The following RWDD3 variants were observed in gnomAD, a reference collection of about 807,000 sequenced individuals.
RWDD3 encodes RWD domain-containing protein 3.
RWDD3 carries 30 observed loss-of-function variants against 26.5 expected under a neutral mutation model. The ratio of observed to expected loss-of-function variants is 1.13; its 90% CI spans 0.85 to 1.54. The LOEUF is 1.54. Ranked by LOEUF, RWDD3 falls within the 40% of genes most tolerant of loss-of-function variation. RWDD3 has a pLI of 0.00. For missense variants in RWDD3, 296 were observed against 309.1 expected, an observed-to-expected ratio of 0.96 and a Z score of 0.32; for synonymous variants, 113 against 114.5, an observed-to-expected ratio of 0.99 and a Z score of 0.09.
chr1:95,241,654 T>C (rs658018), intron 1 of RWDD3, among the ~76,000 whole-genome samples: 7,490 of 152,232 alleles, frequency 0.049, 329 homozygotes, highest in East Asian at 0.22. Context: ...ATTGTGGGCA[T>C]CCGACCCGCA....
intron 1 of RWDD3, among the ~76,000 whole-genome samples, chr1:95,242,477 A>G (rs1680672158): frequency 6.6e-6 from 1 of 151,944 alleles, no homozygotes; most frequent in Admixed American, 6.6e-5. Context: ...GAGAATGTCA[A>G]CTCCCTAGAT....
chr1:95,240,692 T>G (rs1680578586), intron 1 of RWDD3, among the ~76,000 whole-genome samples: 1 of 150,760 alleles, frequency 6.6e-6, no homozygotes, highest in Non-Finnish European at 1.5e-5. Context: ...TCTGGGAGAG[T>G]GGTATTGGGA....
intron 1 of RWDD3, among the ~76,000 whole-genome samples, chr1:95,240,462 A>C (rs540325320): frequency 6.5e-4 from 99 of 152,334 alleles, no homozygotes; most frequent in African/African-American, 2.4e-3. Flanking sequence ...GGAAGTCATT[A>C]GGTGGGACTT....
intron 1 of RWDD3, among the ~76,000 whole-genome samples, chr1:95,238,654 A>G (rs1571841761): frequency 2.0e-5 from 3 of 151,586 alleles, no homozygotes; most frequent in Admixed American, 2.0e-4. Flanking sequence ...GGTCAGATGT[A>G]TATGGTATGT....
In RWDD3 at chr1:95,244,345, C is replaced by A; in HGVS notation, c.220C>A (p.Gln74Lys). The A allele has an allele frequency of 6.2e-7, 1 of 1,614,142 alleles. No individual in the cohort carries two copies. The highest frequency in any genetic ancestry group is 1.1e-5 in the South Asian group (1 of 91,084). The change falls in exon 2 of 4, where the codon CAG becomes AAG. Residue 74 changes from glutamine (Q) to lysine (K), a missense_variant. Transcript: ENST00000370202. Reference protein sequence around the residue: ...CLPGISINSEQLTRAQCVTVK... With the variant: ...CLPGISINSEKLTRAQCVTVK... ...ACCTGGTATCTCGATTAACTCTGAA[C>A]AGTTGACCAGGGCCCAGTGTGTGAC...
intron 1 of RWDD3, among the ~76,000 whole-genome samples, chr1:95,239,021 A>C (rs1490238366): frequency 1.3e-5 from 2 of 152,218 alleles, no homozygotes; most frequent in Non-Finnish European, 2.9e-5. Flanking sequence ...GTCAATTTGT[A>C]TCAACTTGAA....
At chr1:95,239,603 A>T (rs563144381) in intron 1 of RWDD3, among the ~76,000 whole-genome samples, 6 of 152,188 alleles carry the variant, frequency 3.9e-5, no homozygotes, top group Non-Finnish European at 8.8e-5. Flanking sequence ...GCTACAGTGT[A>T]TGTGTGGGTG....
intron 1 of RWDD3, among the ~76,000 whole-genome samples, chr1:95,240,830 A>C (rs1444135280): frequency 1.3e-5 from 2 of 151,850 alleles, no homozygotes; most frequent in Non-Finnish European, 2.9e-5. Context: ...GTTGAATGCT[A>C]AGTATGAAAG....
At chr1:95,244,755 T>G in intron 2 of RWDD3, 57 bp downstream of exon 2, 2 of 1,539,650 alleles carry the variant, frequency 1.3e-6, no homozygotes, top group Non-Finnish European at 1.8e-6. Context: ...TTAAATGGTG[T>G]GTCTTTAAGT....
chr1:95,246,024 A>T (rs1680839871), intron 2 of RWDD3: 1 of 152,134 alleles, frequency 6.6e-6, no homozygotes, highest in South Asian at 2.1e-4. Context: ...TTGAGGATGT[A>T]TAGGTACATA....
Position 95,240,050 on chromosome 1 carries a change from C to G in RWDD3, c.86-4161C>G, listed in dbSNP as rs560478239. ...TCTTTTGTAGTAAAATCTCTGTCTC[C>G]TCCTTATAGGGACCCTTGTGATTAC... On this transcript the variant is annotated intron_variant, in intron 1 of 3. Coordinates refer to ENST00000370202, the MANE Select transcript of RWDD3 (RefSeq NM_015485.5). The G allele has an allele frequency of 4.6e-5, 32 of 692,584 alleles. No homozygotes were observed. In the South Asian group the frequency reaches 5.2e-4, roughly 11 times the overall value. The allele number at this position is 692,584 out of a possible 1,614,324, so 42.9% of individuals were successfully genotyped here.
At chr1:95,244,165 A>G (rs886198999) in intron 1 of RWDD3, 46 bp from the exon 2 acceptor site, 1 of 1,565,556 alleles carries the variant, frequency 6.4e-7, no homozygotes, top group African/African-American at 1.4e-5. Context: ...TGTTCCATTC[A>G]AATTGAATAA....
chr1:95,238,878 A>C (rs1680485225), intron 1 of RWDD3, among the ~76,000 whole-genome samples: 2 of 152,126 alleles, frequency 1.3e-5, no homozygotes, highest in Middle Eastern at 3.2e-3. Flanking sequence ...TTCTGTTTGG[A>C]ATGTGTTTAG....
intron 1 of RWDD3, chr1:95,237,303 A>G (rs920317311): frequency 6.6e-6 from 1 of 152,228 alleles, no homozygotes; most frequent in African/African-American, 2.4e-5. Flanking sequence ...ACTTGATACC[A>G]GAACACTCTA....
chr1:95,240,125 G>A (rs776794837), intron 1 of RWDD3, among the ~76,000 whole-genome samples: 1 of 152,110 alleles, frequency 6.6e-6, no homozygotes, highest in South Asian at 2.1e-4. Context: ...TCTCGAAATC[G>A]TTAACTTAAT....
intron 1 of RWDD3, among the ~76,000 whole-genome samples, chr1:95,238,336 C>T (rs755437565): frequency 7.9e-5 from 12 of 152,096 alleles, no homozygotes; most frequent in Non-Finnish European, 1.3e-4. Flanking sequence ...CTGCTCAGCT[C>T]GGTTTTATGC....
intron 1 of RWDD3, among the ~76,000 whole-genome samples, chr1:95,239,230 G>C (rs1043464164): frequency 5.3e-5 from 8 of 152,146 alleles, no homozygotes; most frequent in Non-Finnish European, 1.2e-4. Context: ...ATTAGATTTA[G>C]AGCATAATTA....
chr1:95,235,204 G>A (rs1012757202), intron 1 of RWDD3, among the ~76,000 whole-genome samples: 3 of 148,898 alleles, frequency 2.0e-5, no homozygotes, highest in African/African-American at 4.9e-5. Flanking sequence ...CCACCACCAC[G>A]CCCGGCTAAT....
intron 1 of RWDD3, 61 bp from the exon 2 acceptor site, chr1:95,244,150 G>A (rs753693050): frequency 1.2e-4 from 180 of 1,545,026 alleles, no homozygotes; most frequent in Non-Finnish European, 1.4e-4. Context: ...GTTTGAACTT[G>A]CTGGTGTTCC....
Sources: allele counts gnomAD v4.1 joint callset (sites outside exome capture counted in the v4.1 genomes callset), GRCh38; gene constraint gnomAD v4.1.1; transcripts MANE v1.5; gene names NCBI Gene and HGNC (gene_info 2026-07-23, HGNC 2026-07-21).